Variants in DENND1A observed in about 807,000 individuals in gnomAD.
The protein encoded by DENND1A is DENN domain containing 1A.
A neutral mutation model predicts 113.7 loss-of-function variants in DENND1A; 51 were observed. The observed-to-expected ratio is 0.45, with a 90% CI of 0.36 to 0.57. DENND1A has a LOEUF of 0.57. Among genes scored for constraint, DENND1A ranks in the 20% least tolerant of loss-of-function variants. The pLI is 0.00. For missense variants in DENND1A, 1,258 were observed against 1,395.9 expected (o/e 0.90, Z 1.57); for synonymous variants, 565 against 570.8 (o/e 0.99, Z 0.14).
At chr9:123,493,950 TAA>T (rs1306296953) in intron 13 of DENND1A, among the ~76,000 whole-genome samples, 2 of 152,200 alleles carry the variant, frequency 1.3e-5, no homozygotes, top group Non-Finnish European at 2.9e-5. Flanking sequence ...TCTAGGACTC[TAA>T]AAAGACTCTG....
intron 19 of DENND1A, among the ~76,000 whole-genome samples, chr9:123,421,787 G>T (rs2045327270): frequency 1.3e-5 from 2 of 152,290 alleles, no homozygotes; most frequent in African/African-American, 4.8e-5. Flanking sequence ...TCCTTGGCCA[G>T]GCCACCACGA....
In DENND1A at chr9:123,588,419, G is replaced by A. The variant is rs192267444; in HGVS notation, c.766-5149C>T. Among the ~76,000 whole-genome samples the A allele has an allele frequency of 4.3e-3, 655 of 151,600 alleles. 6 individuals carry two copies. The highest frequency in any genetic ancestry group is 0.015 in the African/African-American group (611 of 41,354). On this transcript the variant is annotated intron_variant, in intron 11 of 23. Transcript: ENST00000394215. ...GGATCACCTGAGGTCAGGAGTTCAA[G>A]ACCAGCCTGGACAACATGGCGAAAC...
intron 11 of DENND1A, among the ~76,000 whole-genome samples, chr9:123,606,157 G>A (rs1326014953): frequency 6.6e-6 from 1 of 152,148 alleles, no homozygotes; most frequent in Non-Finnish European, 1.5e-5. Flanking sequence ...AGCACAACTA[G>A]AGCACTCGGA....
chr9:123,466,036 T>C (rs1435899338), intron 13 of DENND1A, among the ~76,000 whole-genome samples: 1 of 152,222 alleles, frequency 6.6e-6, no homozygotes, highest in Non-Finnish European at 1.5e-5. Context: ...AGTCTCGCTC[T>C]GTCACCCAGG....
At chr9:123,708,775 A>G (rs1002880829) in intron 5 of DENND1A, among the ~76,000 whole-genome samples, 4 of 152,210 alleles carry the variant, frequency 2.6e-5, no homozygotes, top group African/African-American at 9.7e-5. Flanking sequence ...AAACAAAAAA[A>G]GAAAAGACTA....
At chr9:123,385,570 T>C (rs985483178) in intron 22 of DENND1A, among the ~76,000 whole-genome samples, 2 of 152,098 alleles carry the variant, frequency 1.3e-5, no homozygotes, top group African/African-American at 4.8e-5. Flanking sequence ...CACCTGGCGG[T>C]CAAGGGTAGG....
chr9:123,650,906 CAAA>C (rs76905879), intron 9 of DENND1A, among the ~76,000 whole-genome samples: 6 of 35,666 alleles, frequency 1.7e-4, no homozygotes, highest in East Asian at 1.2e-3. Context: ...GACTCTGTCT[CAAA>C]AAAAAAAAAA....
intron 9 of DENND1A, among the ~76,000 whole-genome samples, chr9:123,632,905 A>ATT (rs747867241): frequency 1.0e-3 from 153 of 151,352 alleles, no homozygotes; most frequent in Non-Finnish European, 1.6e-3. Context: ...TTATAATAAT[A>ATT]ATAATATTAT....
At chr9:123,849,739 C>T (rs1843074604) in intron 2 of DENND1A, among the ~76,000 whole-genome samples, 1 of 152,164 alleles carries the variant, frequency 6.6e-6, no homozygotes, top group Admixed American at 6.5e-5. Flanking sequence ...GGAAAGAATT[C>T]ACCATTCTAG....
At position 123,624,347 on chromosome 9, in the gene DENND1A, T is replaced by C. The variant is rs140754929; in HGVS notation, c.719+6029A>G. ...GCATAATAGAATGAAGTTATTAGCA[T>C]TGACTCAAATTTCATGACATTTGTA... On this transcript the variant is annotated intron_variant, in intron 10 of 23. Transcript: ENST00000394215. 2.5e-3 allele frequency among the ~76,000 whole-genome samples: 378 copies of C among 152,302 alleles called. 1 individual carries two copies. Among genetic ancestry groups the C allele is most frequent in the African/African-American group, 8.7e-3 (361 of 41,554 alleles).
intron 10 of DENND1A, among the ~76,000 whole-genome samples, chr9:123,624,212 C>G (rs1255542143): frequency 1.3e-5 from 2 of 152,204 alleles, no homozygotes; most frequent in Non-Finnish European, 2.9e-5. Context: ...AGTAGCAAAC[C>G]TCCTTCAAAT....
intron 5 of DENND1A, among the ~76,000 whole-genome samples, chr9:123,711,745 T>G (rs1044379115): frequency 6.6e-6 from 1 of 151,808 alleles, no homozygotes; most frequent in African/African-American, 2.4e-5. Flanking sequence ...ACCTTCCCAT[T>G]ACCAAACCCG....
intron 13 of DENND1A, among the ~76,000 whole-genome samples, chr9:123,505,059 A>C (rs1195889499): frequency 6.6e-6 from 1 of 152,216 alleles, no homozygotes; most frequent in Non-Finnish European, 1.5e-5. Flanking sequence ...TTAGACAGTC[A>C]CATATTTCTG....
At chr9:123,553,126 A>G (rs2057206299) in intron 13 of DENND1A, among the ~76,000 whole-genome samples, 1 of 152,144 alleles carries the variant, frequency 6.6e-6, no homozygotes, top group African/African-American at 2.4e-5. Flanking sequence ...GTTCAGTGGC[A>G]TGCACCTGTA....
At chr9:123,729,563 G>C (rs911668584) in intron 5 of DENND1A, among the ~76,000 whole-genome samples, 6 of 152,114 alleles carry the variant, frequency 3.9e-5, no homozygotes, top group Non-Finnish European at 8.8e-5. Context: ...GGATGTGAAG[G>C]ACCTCTTCAA....
At chr9:123,774,166 A>T (rs568332380) in intron 3 of DENND1A, among the ~76,000 whole-genome samples, 1 of 152,152 alleles carries the variant, frequency 6.6e-6, no homozygotes, top group African/African-American at 2.4e-5. Context: ...TTTTAATACC[A>T]TAAGGGAAAT....
chr9:123,461,616 G>C (rs2048531710), intron 13 of DENND1A, among the ~76,000 whole-genome samples: 1 of 152,242 alleles, frequency 6.6e-6, no homozygotes, highest in African/African-American at 2.4e-5. Flanking sequence ...ATACATTCAA[G>C]AGAGTTTGCA....
intron 5 of DENND1A, among the ~76,000 whole-genome samples, chr9:123,692,049 C>T (rs1387219666): frequency 6.6e-6 from 1 of 152,138 alleles, no homozygotes; most frequent in Non-Finnish European, 1.5e-5. Context: ...GCAGCAGGTG[C>T]GGTCCTCCCA....
chr9:123,586,422 A>C (rs1435334805), intron 11 of DENND1A, among the ~76,000 whole-genome samples: 1 of 152,066 alleles, frequency 6.6e-6, no homozygotes, highest in Non-Finnish European at 1.5e-5. Context: ...AGCTCTGTGG[A>C]GTGTTTACTT....
Sources: gnomAD v4.1 joint callset for allele counts (sites outside exome capture counted in the v4.1 genomes callset) on GRCh38, gnomAD v4.1.1 for gene constraint, MANE v1.5 for transcripts, NCBI Gene and HGNC (gene_info 2026-07-23, HGNC 2026-07-21) for gene names.